The following XPO7 variants were observed in gnomAD, a reference collection of about 807,000 sequenced individuals.
XPO7 encodes the protein exportin 7, also known as exportin-7.
In XPO7, 21 loss-of-function variants were observed where a neutral mutation model predicts 144.3. The observed-to-expected ratio is 0.15, with a 90% confidence interval of 0.10 to 0.21. The LOEUF is 0.21. XPO7 is among the 10% of genes least tolerant of loss of function. XPO7 has a pLI of 1.00. For missense variants in XPO7, 808 were observed against 1,325.8 expected (o/e 0.61, Z 6.06); for synonymous variants, 580 against 499.6 (o/e 1.16, Z -2.15).
chr8:22,003,768 CTTTT>C (rs1237538598), intron 26 of XPO7, 131 bp from the exon 27 acceptor site: 1 of 1,334,448 alleles, frequency 7.5e-7, no homozygotes, highest in East Asian at 2.5e-5. Context: ...GCCTGAATTT[CTTTT>C]TTAAGGGTCC....
intron 1 of XPO7, among the ~76,000 whole-genome samples, chr8:21,920,856 G>A (rs1810257626): frequency 6.6e-6 from 1 of 152,146 alleles, no homozygotes; most frequent in African/African-American, 2.4e-5. Flanking sequence ...TTTATATTCT[G>A]TGGCATCATT....
chr8:21,963,453 T>C (rs1331829842), intron 1 of XPO7, among the ~76,000 whole-genome samples: 2 of 152,174 alleles, frequency 1.3e-5, no homozygotes, highest in Non-Finnish European at 2.9e-5. Flanking sequence ...CCCAGCACTT[T>C]GGGAGGCCAA....
At chr8:21,990,235 T>TA in intron 16 of XPO7, 109 bp from the exon 17 acceptor site, 1 of 1,133,844 alleles carries the variant, frequency 8.8e-7, no homozygotes. Context: ...AAGTATTTTT[T>TA]AAAAAATAAG....
intron 1 of XPO7, among the ~76,000 whole-genome samples, chr8:21,936,555 C>T (rs959813489): frequency 2.6e-5 from 4 of 152,204 alleles, no homozygotes; most frequent in Non-Finnish European, 5.9e-5. Flanking sequence ...GCAGAATTTC[C>T]TAAGTATTTT....
intron 6 of XPO7, among the ~76,000 whole-genome samples, chr8:21,975,153 G>A (rs561221754): frequency 6.6e-6 from 1 of 152,320 alleles, no homozygotes; most frequent in East Asian, 1.9e-4. Flanking sequence ...ATGGTGTTTG[G>A]ATTCTTAGTG....
chr8:21,936,404 G>A (rs1006698256), intron 1 of XPO7, among the ~76,000 whole-genome samples: 2 of 152,094 alleles, frequency 1.3e-5, no homozygotes, highest in African/African-American at 4.8e-5. Context: ...CATGTCACTA[G>A]ATTTCTGCCC....
At position 22,006,501 on chromosome 8, in the gene XPO7, C is replaced by G. The variant is rs1813336042; in HGVS notation, c.*1413C>G. On this transcript the variant is annotated 3_prime_UTR_variant, in exon 28 of 28. Transcript: ENST00000252512. Reference sequence around the variant, plus strand: ...TGTGATGAATCCTTTCTTGCGTGATCAGGTTGCGGATAGACTTGTAAGGGT... The same window carrying G: ...TGTGATGAATCCTTTCTTGCGTGATGAGGTTGCGGATAGACTTGTAAGGGT... The G allele has an allele frequency of 6.6e-6, 1 of 152,150 alleles. No individual in the cohort carries two copies. Among genetic ancestry groups the G allele is most frequent in the African/African-American group, 2.4e-5 (1 of 41,422 alleles). The allele number at this position is 152,150 out of a possible 1,614,324, so 9.4% of individuals were successfully genotyped here. A position where few individuals can be genotyped will look rare whatever the true frequency, so the allele number is the denominator to read the frequency against.
chr8:21,956,945 A>G (rs1343991826), intron 1 of XPO7, among the ~76,000 whole-genome samples: 2 of 152,188 alleles, frequency 1.3e-5, no homozygotes, highest in Non-Finnish European at 2.9e-5. Flanking sequence ...TTATTTGCTC[A>G]TGATCAAGAT....
chr8:21,983,288 A>G (rs1361969775), intron 11 of XPO7, among the ~76,000 whole-genome samples: 2 of 152,236 alleles, frequency 1.3e-5, no homozygotes, highest in Non-Finnish European at 1.5e-5. Context: ...ACATTCATAC[A>G]TGGTTTCTGT....
At chr8:21,977,176 A>G (rs1812250652) in intron 7 of XPO7, among the ~76,000 whole-genome samples, 1 of 152,250 alleles carries the variant, frequency 6.6e-6, no homozygotes, top group Admixed American at 6.5e-5. Context: ...TTTGTATTCC[A>G]GAAGGATAAA....
chr8:21,958,256 C>T (rs1783380207), intron 1 of XPO7, among the ~76,000 whole-genome samples: 1 of 152,052 alleles, frequency 6.6e-6, no homozygotes, highest in Non-Finnish European at 1.5e-5. Context: ...TCACCGAGAA[C>T]ACTGAATTAG....
In XPO7 at chr8:21,977,808, C is replaced by A; in HGVS notation, c.802C>A (p.Leu268Met). Reference sequence around the variant, plus strand: ...TTCAACCTTGCAGCTGTTTTTTGACCTGTATCATTCCATCCCTCCTTCATT... The same window carrying A: ...TTCAACCTTGCAGCTGTTTTTTGACATGTATCATTCCATCCCTCCTTCATT... ...DSSTLQLFFD[L>M]YHSIPPSFSP... Residue 268 changes from leucine (L) to methionine (M), a missense_variant, in exon 8 of 28, where the codon CTG becomes ATG. By Grantham distance (15) the Leu-to-Met change is conservative. This residue lies in a region of XPO7 where 223 missense variants were observed against 368.8 expected (regional missense o/e 0.60). Coordinates refer to ENST00000252512, the MANE Select transcript of XPO7 (RefSeq NM_015024.5). 1 of 1,613,988 alleles carries A rather than the reference C, an allele frequency of 6.2e-7. No individual in the cohort carries two copies. The highest frequency in any genetic ancestry group is 8.5e-7 in the Non-Finnish European group (1 of 1,179,872).
At chr8:22,000,628 T>TATAAA (rs1563340171) in intron 24 of XPO7, among the ~76,000 whole-genome samples, 1 of 151,984 alleles carries the variant, frequency 6.6e-6, no homozygotes, top group Non-Finnish European at 1.5e-5. Context: ...AATTTTTTTG[T>TATAAA]ATTTTTAGTA....
intron 20 of XPO7, among the ~76,000 whole-genome samples, chr8:21,994,854 C>A (rs904877659): frequency 6.6e-6 from 1 of 152,026 alleles, no homozygotes; most frequent in African/African-American, 2.4e-5. Context: ...GAGATCGAGA[C>A]CATCCTGGCT....
intron 7 of XPO7, among the ~76,000 whole-genome samples, chr8:21,977,439 C>A (rs544891040): frequency 6.6e-6 from 1 of 152,124 alleles, no homozygotes; most frequent in Non-Finnish European, 1.5e-5. Flanking sequence ...ATTAGCTGGG[C>A]ATGGTGGCAC....
chr8:21,971,781 C>A, intron 4 of XPO7, 95 bp from the exon 5 acceptor site: 1 of 970,338 alleles, frequency 1.0e-6, no homozygotes, highest in South Asian at 1.8e-5. Context: ...TTACTAATGA[C>A]ACAGGAACCC....
rs2117380593 is a variant in XPO7 at position 21,990,412 on chromosome 8, G to GTGA, written c.1932+7_1932+9dup. 3 of 1,613,464 alleles carry GTGA rather than the reference G, an allele frequency of 1.9e-6. No individual in the cohort carries two copies. The highest frequency in any genetic ancestry group is 2.5e-6 in the Non-Finnish European group (3 of 1,179,448). On this transcript the variant is annotated splice_donor_region_variant and intron_variant, in intron 17 of 27. Coordinates refer to ENST00000252512, the MANE Select transcript of XPO7 (RefSeq NM_015024.5). Reference sequence around the variant, plus strand: ...TTCATGCTGAACAATCACACGGTGAGTGATTTTAGCTTTTTTTCCTGGCCC... The same window carrying GTGA: ...TTCATGCTGAACAATCACACGGTGAGTGATGATTTTAGCTTTTTTTCCTGGCCC...
chr8:21,970,320 A>T lies in XPO7; in HGVS notation c.426+10A>T. 6.2e-7 allele frequency: 1 copy of T among 1,610,664 alleles called. No homozygotes were observed. The highest frequency in any genetic ancestry group is 1.7e-5 in the Admixed American group (1 of 59,352). ...CACAAGGTTTTTACAGGTACAGTGT[A>T]TATATTTGATGTAATGGGAATGGGA... is the stretch of plus-strand genomic sequence containing the variant. On this transcript the variant is annotated intron_variant, in intron 4 of 27. Coordinates refer to ENST00000252512, the MANE Select transcript of XPO7 (RefSeq NM_015024.5).
At chr8:21,922,381 G>GAA (rs1262129752) in intron 1 of XPO7, among the ~76,000 whole-genome samples, 7 of 152,182 alleles carry the variant, frequency 4.6e-5, no homozygotes, top group African/African-American at 1.4e-4. Context: ...AGTGTCTGTA[G>GAA]AAGTGTGCCC....
Sources: allele counts gnomAD v4.1 joint callset (sites outside exome capture counted in the v4.1 genomes callset), GRCh38; gene constraint gnomAD v4.1.1; regional missense constraint gnomAD v4.1.1; transcripts MANE v1.5; gene names NCBI Gene and HGNC (gene_info 2026-07-23, HGNC 2026-07-21).